Variants in RAB27B observed in about 807,000 individuals in gnomAD.
RAB27B encodes the protein ras-related protein Rab-27B.
In RAB27B, 15 loss-of-function variants were observed where a neutral mutation model predicts 24.6. The ratio of observed to expected loss-of-function variants is 0.61; its 90% confidence interval spans 0.41 to 0.94. The LOEUF (loss-of-function observed/expected upper bound fraction) is 0.94, where lower values mean the gene tolerates loss of function less well. RAB27B is among the 40% of genes least tolerant of loss of function. RAB27B has a pLI of 0.00. For missense variants in RAB27B, 261 were observed against 266.8 expected (o/e 0.98, Z 0.15); for synonymous variants, 105 against 92.5 (o/e 1.14, Z -0.78).
chr18:54,769,270 T>C (rs1463576668), intron 2 of RAB27B, among the ~76,000 whole-genome samples: 1 of 152,084 alleles, frequency 6.6e-6, no homozygotes. Context: ...TCCAATAGGG[T>C]AATCCTTAAA....
At chr18:54,723,733 T>C (rs1909435657) in intron 2 of RAB27B, among the ~76,000 whole-genome samples, 1 of 152,236 alleles carries the variant, frequency 6.6e-6, no homozygotes, top group Non-Finnish European at 1.5e-5. Flanking sequence ...CTTCAAGGTA[T>C]GCATCTAGCA....
intron 2 of RAB27B, among the ~76,000 whole-genome samples, chr18:54,776,221 G>T (rs911767705): frequency 2.6e-5 from 4 of 152,234 alleles, no homozygotes; most frequent in Admixed American, 6.5e-5. Flanking sequence ...GGCAGGCAAA[G>T]CCTGGCTAGA....
chr18:54,780,992 T>C (rs73960628), intron 2 of RAB27B, among the ~76,000 whole-genome samples: 10,347 of 152,208 alleles, frequency 0.068, 483 homozygotes, highest in African/African-American at 0.11. Context: ...GGAGAAGTAC[T>C]CAAATTATTA....
At chr18:54,864,750 T>C (rs956280476) in intron 1 of RAB27B, among the ~76,000 whole-genome samples, 8 of 152,212 alleles carry the variant, frequency 5.3e-5, no homozygotes, top group African/African-American at 1.9e-4. Context: ...TTGTCTTCCA[T>C]TGATCTATTT....
At chr18:54,871,782 G>A (rs1236072462) in intron 1 of RAB27B, among the ~76,000 whole-genome samples, 1 of 150,444 alleles carries the variant, frequency 6.6e-6, no homozygotes, top group East Asian at 1.9e-4. Flanking sequence ...CCTGGGAGGC[G>A]GAGCCTGCAG....
In RAB27B at chr18:54,892,635, A is replaced by C. The variant is rs2145304791; in HGVS notation, c.*3222A>C. The stretch of plus-strand genomic sequence containing the variant: ...TAAGAAGTCAAGGATTGGCAGAGAA[A>C]ATACTAAACGCCAAGAGTTGAGCCT... On this transcript the variant is annotated 3_prime_UTR_variant, in exon 6 of 6. Coordinates refer to ENST00000262094, the MANE Select transcript of RAB27B (RefSeq NM_004163.4). 1 of 152,220 alleles carries C rather than the reference A, an allele frequency of 6.6e-6. No individual in the cohort carries two copies. Among genetic ancestry groups the C allele is most frequent in the Middle Eastern group, 3.4e-3 (1 of 294 alleles). The allele number at this position is 152,220 out of a possible 1,614,324, so 9.4% of individuals were successfully genotyped here.
chr18:54,725,921 T>C (rs1028683383), intron 2 of RAB27B, among the ~76,000 whole-genome samples: 1 of 151,574 alleles, frequency 6.6e-6, no homozygotes. Flanking sequence ...CTTTGGAATC[T>C]AACTTGTTAT....
chr18:54,877,709 G>T lies in RAB27B; in HGVS notation c.124G>T (p.Val42Leu). The change falls in exon 2 of 6, where the codon GTA (valine) becomes TTA (leucine). Residue 42 changes from valine (V) to leucine (L), a missense_variant. Coordinates refer to ENST00000262094, the MANE Select transcript of RAB27B (RefSeq NM_004163.4). ...NKFNPKFITTVGIDFREKRVV... is the reference protein window; with the variant it reads ...NKFNPKFITTLGIDFREKRVV... ...ATTCAATCCCAAATTCATCACTACA[G>T]TAGGAATAGACTTTCGGGAAAAACG... 1 of 1,590,578 alleles carries T rather than the reference G, an allele frequency of 6.3e-7. No homozygotes were observed. Among genetic ancestry groups the T allele is most frequent in the East Asian group, 2.3e-5 (1 of 43,434 alleles).
At chr18:54,847,136 T>A (rs946894872) in intron 1 of RAB27B, among the ~76,000 whole-genome samples, 1 of 152,066 alleles carries the variant, frequency 6.6e-6, no homozygotes, top group Non-Finnish European at 1.5e-5. Context: ...CAGGAGTGAG[T>A]CACCATGCCC....
In RAB27B at chr18:54,737,079, C is replaced by T. The variant is rs150903793; in HGVS notation, c.-20+18938C>T. Among the ~76,000 whole-genome samples, 761 of 152,242 alleles carry T rather than the reference C, an allele frequency of 5.0e-3. 7 individuals are homozygous for T. Among genetic ancestry groups the T allele is most frequent in the African/African-American group, 0.017 (716 of 41,558 alleles). ...GCATAAGTAAACCACCTCCAAATGA[C>T]ATGCTTCTCATTCACAATTGCTCAA... On this transcript the variant is annotated intron_variant, in intron 2 of 4. Coordinates refer to the RAB27B transcript ENST00000586570.
intron 1 of RAB27B, among the ~76,000 whole-genome samples, chr18:54,851,997 C>T (rs1330768131): frequency 6.6e-6 from 1 of 152,178 alleles, no homozygotes; most frequent in African/African-American, 2.4e-5. Context: ...CTTTTCTTCA[C>T]AGGACTTGAG....
chr18:54,789,844 A>AGT (rs566364552), intron 2 of RAB27B, among the ~76,000 whole-genome samples: 109 of 152,284 alleles, frequency 7.2e-4, no homozygotes, highest in South Asian at 3.7e-3. Context: ...GACTTTTTCA[A>AGT]GTGAACAACC....
At chr18:54,861,770 G>C (rs1439362696) in intron 1 of RAB27B, among the ~76,000 whole-genome samples, 1 of 152,082 alleles carries the variant, frequency 6.6e-6, no homozygotes, top group Non-Finnish European at 1.5e-5. Flanking sequence ...CTGGGCACTG[G>C]GGAGTTTTTA....
At chr18:54,830,326 C>T (rs966084872) in intron 1 of RAB27B, among the ~76,000 whole-genome samples, 15 of 152,152 alleles carry the variant, frequency 9.9e-5, no homozygotes, top group Non-Finnish European at 1.9e-4. Flanking sequence ...AGAATAGAAA[C>T]CTGCTCTTTT....
At chr18:54,779,286 T>C (rs899454281) in intron 2 of RAB27B, among the ~76,000 whole-genome samples, 1 of 152,242 alleles carries the variant, frequency 6.6e-6, no homozygotes, top group Non-Finnish European at 1.5e-5. Context: ...GAGAGCTTAT[T>C]GATGGTGCCA....
At chr18:54,840,081 C>T (rs1027275256) in intron 1 of RAB27B, among the ~76,000 whole-genome samples, 4 of 152,150 alleles carry the variant, frequency 2.6e-5, no homozygotes, top group Non-Finnish European at 5.9e-5. Context: ...TCTATGGCTC[C>T]TAAAATTCTG....
intron 2 of RAB27B, among the ~76,000 whole-genome samples, chr18:54,796,779 T>C (rs1487946683): frequency 6.6e-6 from 1 of 152,198 alleles, no homozygotes; most frequent in African/African-American, 2.4e-5. Flanking sequence ...ACAGGAGTGC[T>C]TGTTCTCACT....
intron 2 of RAB27B, among the ~76,000 whole-genome samples, chr18:54,719,430 A>G (rs1314072880): frequency 6.6e-6 from 1 of 152,058 alleles, no homozygotes; most frequent in Non-Finnish European, 1.5e-5. Flanking sequence ...TTTACTATAT[A>G]GGTATGCTAC....
intron 1 of RAB27B, among the ~76,000 whole-genome samples, chr18:54,853,873 C>T (rs1387038755): frequency 6.6e-6 from 1 of 152,022 alleles, no homozygotes; most frequent in African/African-American, 2.4e-5. Context: ...CTCTTTCTTC[C>T]ACCCTCTATC....
Sources: gnomAD v4.1 joint callset for allele counts (sites outside exome capture counted in the v4.1 genomes callset) on GRCh38, gnomAD v4.1.1 for gene constraint, MANE v1.5 for transcripts, NCBI Gene and HGNC (gene_info 2026-07-23, HGNC 2026-07-21) for gene names.